TEX11: variants seen among roughly 807,000 people sequenced by gnomAD.
TEX11 encodes the protein testis-expressed protein 11.
Under a neutral mutation model 84.4 loss-of-function variants are expected in TEX11, and 7 were observed. The ratio of observed to expected loss-of-function variants is 0.08; its 90% CI spans 0.05 to 0.16. The LOEUF is 0.16. TEX11 is among the 10% of genes least tolerant of loss of function. The probability of loss-of-function intolerance (pLI) is 1.00; values close to 1 mark genes in which losing one functional copy is unlikely to be tolerated. For synonymous variants in TEX11, 264 were observed against 222.8 expected (o/e 1.18, Z -1.64); for missense variants, 551 against 660.5 (o/e 0.83, Z 1.82).
chrX:70,528,868 G>A, downstream of TEX11: 1 of 393,035 alleles, frequency 2.5e-6, no homozygotes, highest in Non-Finnish European at 4.4e-6. Flanking sequence ...GCTCTCACAT[G>A]GTCTATTTCA....
At chrX:70,764,789 C>T (rs1602109026) in intron 9 of TEX11, among the ~76,000 whole-genome samples, 1 of 111,321 alleles carries the variant, frequency 9.0e-6, no homozygotes, top group South Asian at 3.7e-4. Flanking sequence ...AATCCAAAAC[C>T]TGAACACACC....
intron 11 of TEX11, among the ~76,000 whole-genome samples, chrX:70,735,846 C>G (rs1449376333): frequency 8.9e-6 from 1 of 112,045 alleles, no homozygotes; most frequent in Non-Finnish European, 1.9e-5. Flanking sequence ...TTTGCATTCC[C>G]TGATAACTAA....
chrX:70,821,873 A>G (rs758278162), intron 8 of TEX11, among the ~76,000 whole-genome samples: 2 of 111,780 alleles, frequency 1.8e-5, no homozygotes, highest in East Asian at 5.6e-4. Context: ...TTAATAAAAA[A>G]TAATAAAACT....
chrX:70,756,507 C>T, intron 9 of TEX11, among the ~76,000 whole-genome samples: 1 of 111,990 alleles, frequency 8.9e-6, no homozygotes, highest in Non-Finnish European at 1.9e-5. Flanking sequence ...CAGCAAACTC[C>T]AACAGACCTG....
rs975368853 is a variant in TEX11 at position 70,617,301 on chromosome X, C to T, written c.1751+6649G>A. On this transcript the variant is annotated intron_variant, in intron 20 of 29. Coordinates refer to ENST00000374333, the MANE Select transcript of TEX11 (RefSeq NM_031276.3). ...GATATAGGTCAGAAACTCAGATCTA[C>T]ATAAAGATAGGAAAAGCATCAAAAG... Among the ~76,000 whole-genome samples, 3 of 106,807 alleles carry T rather than the reference C, an allele frequency of 2.8e-5. No individual in the cohort carries two copies. In the South Asian group the frequency reaches 1.2e-3, roughly 42 times the overall value. 92.7% of individuals were successfully genotyped at this position (106,807 alleles called of 115,157 possible). A position where few individuals can be genotyped will look rare whatever the true frequency, so the allele number is the denominator to read the frequency against.
intron 8 of TEX11, among the ~76,000 whole-genome samples, chrX:70,822,864 C>G (rs1433602837): frequency 9.0e-6 from 1 of 110,551 alleles, no homozygotes; most frequent in Non-Finnish European, 1.9e-5. Flanking sequence ...ATAACCAGCT[C>G]TAGCAGGAAC....
chrX:70,805,986 A>G (rs2091216845), intron 9 of TEX11, among the ~76,000 whole-genome samples: 1 of 112,083 alleles, frequency 8.9e-6, no homozygotes, highest in Admixed American at 9.5e-5. Flanking sequence ...TTAAAATGCC[A>G]AAATTCATCT....
chrX:70,753,306 C>G (rs1190625168), intron 9 of TEX11, among the ~76,000 whole-genome samples: 1 of 110,945 alleles, frequency 9.0e-6, no homozygotes, highest in Non-Finnish European at 1.9e-5. Context: ...CCAGGCTGCA[C>G]AGCTCAACAA....
intron 11 of TEX11, among the ~76,000 whole-genome samples, chrX:70,728,540 C>G (rs933943480): frequency 1.8e-5 from 2 of 111,820 alleles, no homozygotes; most frequent in Admixed American, 9.5e-5. Context: ...TTGGAGGGTC[C>G]TACGCCCACA....
intron 9 of TEX11, among the ~76,000 whole-genome samples, chrX:70,773,994 G>A (rs897283302): frequency 5.4e-5 from 6 of 110,489 alleles, no homozygotes; most frequent in African/African-American, 2.0e-4. Context: ...CCACAGGAAC[G>A]CCCCTAGACC....
rs187818562 is a variant in TEX11, at chrX:70,741,158, G to A, written c.748-362C>T. Among the ~76,000 whole-genome samples the A allele has an allele frequency of 7.2e-5, 8 of 111,378 alleles. No homozygotes were observed. The East Asian group carries it at 1.4e-3, about 19-fold the overall frequency. ...ATCAGCTTACCACCACATTATTATC[G>A]TGGAACAACTCTAAGAATTTATAAG... On this transcript the variant is annotated intron_variant, in intron 10 of 29. Coordinates refer to ENST00000374333, the MANE Select transcript of TEX11 (RefSeq NM_031276.3).
At chrX:70,870,558 A>G (rs1375431679) in intron 4 of TEX11, among the ~76,000 whole-genome samples, 2 of 111,104 alleles carry the variant, frequency 1.8e-5, no homozygotes, top group African/African-American at 6.5e-5. Flanking sequence ...GATGGTCTCA[A>G]TCTCCTGACC....
chrX:70,710,276 T>A (rs1411131764), intron 13 of TEX11, among the ~76,000 whole-genome samples: 1 of 111,773 alleles, frequency 8.9e-6, no homozygotes, highest in Admixed American at 9.5e-5. Context: ...ATATTAGATG[T>A]GATCTTTTTT....
the TEX11 span, among the ~76,000 whole-genome samples, chrX:70,520,273 T>C: frequency 8.9e-6 from 1 of 112,170 alleles, no homozygotes; most frequent in African/African-American, 3.2e-5. Flanking sequence ...CTTTGGTCTT[T>C]GATGATGGTG....
chrX:70,736,804 A>C (rs1180128844), intron 11 of TEX11, among the ~76,000 whole-genome samples: 1 of 112,014 alleles, frequency 8.9e-6, no homozygotes, highest in Non-Finnish European at 1.9e-5. Context: ...ACTGAACATA[A>C]ATTAACATAT....
At chrX:70,744,109 A>AC in intron 10 of TEX11, 56 bp downstream of exon 10, 1 of 761,462 alleles carries the variant, frequency 1.3e-6, no homozygotes, top group Non-Finnish European at 1.8e-6. Context: ...ATTTTATAAC[A>AC]ATAAAATAAA....
intron 20 of TEX11, among the ~76,000 whole-genome samples, chrX:70,618,034 T>C (rs1569359041): frequency 8.9e-6 from 1 of 111,916 alleles, no homozygotes; most frequent in Non-Finnish European, 1.9e-5. Context: ...AAGGCTACCA[T>C]CAGATCAAAG....
At chrX:70,629,202 T>C (rs1425073843) in intron 18 of TEX11, among the ~76,000 whole-genome samples, 1 of 112,086 alleles carries the variant, frequency 8.9e-6, no homozygotes, top group Admixed American at 9.5e-5. Flanking sequence ...CAATTATTTA[T>C]TACTTCTAAA....
intron 9 of TEX11, among the ~76,000 whole-genome samples, chrX:70,753,197 T>TG (rs1349819149): frequency 0.038 from 222 of 5,908 alleles, no homozygotes; most frequent in East Asian, 0.092. Context: ...GGAATTTGGG[T>TG]GGGGGGGGTG....
Sources: allele counts gnomAD v4.1 joint callset (sites outside exome capture counted in the v4.1 genomes callset), GRCh38; gene constraint gnomAD v4.1.1; transcripts MANE v1.5; gene names NCBI Gene and HGNC (gene_info 2026-07-23, HGNC 2026-07-21).